FUT8: variants seen among roughly 807,000 people sequenced by gnomAD.
FUT8 encodes alpha-(1,6)-fucosyltransferase.
In FUT8, 29 loss-of-function variants were observed where a neutral mutation model predicts 71.3. The observed-to-expected ratio is 0.41, with a 90% CI of 0.30 to 0.55. FUT8 has a LOEUF of 0.55. Ranked by LOEUF, FUT8 falls within the 20% of genes least tolerant of loss-of-function variation. The probability of loss-of-function intolerance (pLI) is 0.34; values close to 1 mark genes in which losing one functional copy is unlikely to be tolerated. For synonymous variants in FUT8, 254 were observed against 239.3 expected (o/e 1.06, Z -0.57); for missense variants, 544 against 702.1 (o/e 0.77, Z 2.55).
At chr14:65,393,363 G>A in the FUT8 span, among the ~76,000 whole-genome samples, 2 of 152,314 alleles carry the variant, frequency 1.3e-5, no homozygotes, top group African/African-American at 4.8e-5. Flanking sequence ...AAATTGTGGA[G>A]TAAGTGATTG....
chr14:65,556,081 A>G (rs763457810), intron 2 of FUT8, among the ~76,000 whole-genome samples: 23 of 152,220 alleles, frequency 1.5e-4, no homozygotes, highest in Non-Finnish European at 2.4e-4. Context: ...ACATGAAGTG[A>G]AGATCAGGCT....
the FUT8 span, among the ~76,000 whole-genome samples, chr14:65,371,916 ATAT>A: frequency 6.6e-6 from 1 of 152,218 alleles, no homozygotes; most frequent in East Asian, 1.9e-4. Context: ...GTATGTATAT[ATAT>A]ATACAAACAC....
chr14:65,377,877 G>T, the FUT8 span, among the ~76,000 whole-genome samples: 1 of 151,982 alleles, frequency 6.6e-6, no homozygotes, highest in Non-Finnish European at 1.5e-5. Flanking sequence ...ATATAATACG[G>T]TTATAAAGCT....
intron 6 of FUT8, among the ~76,000 whole-genome samples, chr14:65,644,565 G>A (rs1024235061): frequency 2.6e-5 from 4 of 151,858 alleles, no homozygotes; most frequent in Non-Finnish European, 5.9e-5. Flanking sequence ...GTTTCACCGT[G>A]TTAGCCAGGA....
At chr14:65,518,709 T>C (rs1474663462) in intron 2 of FUT8, among the ~76,000 whole-genome samples, 2 of 152,050 alleles carry the variant, frequency 1.3e-5, no homozygotes, top group African/African-American at 4.8e-5. Context: ...ATTTTTTTTG[T>C]AGAGATGGTG....
At chr14:65,679,262 A>G (rs763381489) in intron 7 of FUT8, among the ~76,000 whole-genome samples, 11 of 152,202 alleles carry the variant, frequency 7.2e-5, no homozygotes, top group Non-Finnish European at 1.5e-4. Flanking sequence ...CATTGGCAAA[A>G]ATAGGCATTA....
chr14:65,658,805 G>A (rs985782525), intron 6 of FUT8, among the ~76,000 whole-genome samples: 3 of 152,042 alleles, frequency 2.0e-5, no homozygotes, highest in Admixed American at 1.3e-4. Flanking sequence ...TCTTTGCTTT[G>A]ATGGTACAGC....
At chr14:65,540,616 C>T (rs1212532564) in intron 2 of FUT8, among the ~76,000 whole-genome samples, 2 of 152,152 alleles carry the variant, frequency 1.3e-5, no homozygotes, top group African/African-American at 4.8e-5. Context: ...AAGAAAAAAC[C>T]AAATCTCAAT....
chr14:65,561,140 AG>A (rs1429411127), intron 2 of FUT8, among the ~76,000 whole-genome samples, 196 bp from the exon 3 acceptor site: 4 of 152,190 alleles, frequency 2.6e-5, no homozygotes, highest in Non-Finnish European at 5.9e-5. Flanking sequence ...GTTATCTGGT[AG>A]AGCACTAATG....
intron 2 of FUT8, among the ~76,000 whole-genome samples, chr14:65,492,307 C>CTTGTT (rs2066493542): frequency 6.6e-6 from 1 of 152,122 alleles, no homozygotes; most frequent in African/African-American, 2.4e-5. Context: ...TGAGCTATAA[C>CTTGTT]AAGTGGAGGC....
At chr14:65,552,810 A>G (rs1220292072) in intron 2 of FUT8, among the ~76,000 whole-genome samples, 1 of 151,748 alleles carries the variant, frequency 6.6e-6, no homozygotes, top group Non-Finnish European at 1.5e-5. Context: ...ATACCTTTTT[A>G]TTTTATTTAA....
chr14:65,730,984 A>G (rs953186328), intron 9 of FUT8, among the ~76,000 whole-genome samples: 5 of 152,262 alleles, frequency 3.3e-5, no homozygotes, highest in East Asian at 1.9e-4. Context: ...AAAAGTAGGT[A>G]CATTGAAATG....
intron 1 of FUT8, among the ~76,000 whole-genome samples, chr14:65,430,049 TCA>T (rs200252338): frequency 0.017 from 2,608 of 151,426 alleles, 75 homozygotes; most frequent in African/African-American, 0.06. Context: ...AGACAGGGTA[TCA>T]CTCTGTTGCC....
At chr14:65,556,907 T>C (rs879654048) in intron 2 of FUT8, among the ~76,000 whole-genome samples, 1 of 152,194 alleles carries the variant, frequency 6.6e-6, no homozygotes, top group Non-Finnish European at 1.5e-5. Context: ...AGTTTACAGA[T>C]TGATGTTCAG....
chr14:65,634,090 A>G (rs1466423309), intron 6 of FUT8, among the ~76,000 whole-genome samples: 6 of 152,238 alleles, frequency 3.9e-5, no homozygotes, highest in Admixed American at 3.9e-4. Context: ...AGAACGGGCC[A>G]TGATGACAAT....
chr14:65,678,003 T>G (rs550345614), intron 7 of FUT8, among the ~76,000 whole-genome samples: 38 of 152,356 alleles, frequency 2.5e-4, no homozygotes, highest in Admixed American at 4.6e-4. Flanking sequence ...TCAGAAGTTA[T>G]TAGCTGTGTT....
intron 1 of FUT8, among the ~76,000 whole-genome samples, chr14:65,419,297 C>A (rs779362960): frequency 6.6e-6 from 1 of 152,060 alleles, no homozygotes; most frequent in Non-Finnish European, 1.5e-5. Flanking sequence ...AAAACAAATT[C>A]TAACCTTCAT....
chr14:65,368,811 C>T, the FUT8 span, among the ~76,000 whole-genome samples: 79 of 152,254 alleles, frequency 5.2e-4, no homozygotes, highest in African/African-American at 1.4e-3. Flanking sequence ...CATGAGCCAC[C>T]GCGCCCGGCC....
At chr14:65,409,719 C>T (rs1170553203), upstream of FUT8, among the ~76,000 whole-genome samples, 2 of 152,166 alleles carry the variant, frequency 1.3e-5, no homozygotes, top group Admixed American at 6.6e-5. The surrounding 1 kb of genome is among the most constrained non-coding windows in gnomAD (Gnocchi z 5.4). Flanking sequence ...CCGGGACACC[C>T]GAGTCCCCAT....
Sources: gnomAD v4.1 joint callset for allele counts (sites outside exome capture counted in the v4.1 genomes callset) on GRCh38, gnomAD v4.1.1 for gene constraint, Gnocchi (gnomAD v3.1) non-coding constraint, MANE v1.5 for transcripts, NCBI Gene and HGNC (gene_info 2026-07-23, HGNC 2026-07-21) for gene names.